Variants in KHDRBS2 observed in about 807,000 individuals in gnomAD.
The protein encoded by KHDRBS2 is KH domain-containing, RNA-binding, signal transduction-associated protein 2.
A neutral mutation model predicts 44.3 loss-of-function variants in KHDRBS2; 26 were observed. The observed-to-expected ratio is 0.59, with a 90% confidence interval of 0.43 to 0.81. KHDRBS2 has a LOEUF of 0.81. Ranked by LOEUF, KHDRBS2 falls within the 40% of genes least tolerant of loss-of-function variation. The pLI is 0.00. For missense variants in KHDRBS2, 476 were observed against 433.1 expected (o/e 1.10, Z -0.88); for synonymous variants, 194 against 151.1 (o/e 1.28, Z -2.08).
At chr6:61,557,431 C>T in the KHDRBS2 span, among the ~76,000 whole-genome samples, 1 of 152,084 alleles carries the variant, frequency 6.6e-6, no homozygotes, top group African/African-American at 2.4e-5. Flanking sequence ...GGCTGTAAAA[C>T]AGCAATAATA....
At chr6:62,074,440 T>C (rs192751974) in intron 2 of KHDRBS2, among the ~76,000 whole-genome samples, 1 of 152,008 alleles carries the variant, frequency 6.6e-6, no homozygotes, top group Non-Finnish European at 1.5e-5. Context: ...TTGGTTTTGA[T>C]GGCTTTCCAA....
intron 3 of KHDRBS2, among the ~76,000 whole-genome samples, chr6:62,039,345 A>C (rs896675793): frequency 6.6e-6 from 1 of 151,078 alleles, no homozygotes; most frequent in African/African-American, 2.4e-5. Flanking sequence ...GGACAGCAGA[A>C]ATATATATAT....
At chr6:61,607,917 A>C in the KHDRBS2 span, among the ~76,000 whole-genome samples, 1 of 152,114 alleles carries the variant, frequency 6.6e-6, no homozygotes, top group African/African-American at 2.4e-5. Context: ...CAAACTCCTG[A>C]CCTCAAGTGA....
At chr6:62,104,785 C>A (rs1802760975) in intron 2 of KHDRBS2, among the ~76,000 whole-genome samples, 2 of 150,940 alleles carry the variant, frequency 1.3e-5, no homozygotes, top group South Asian at 2.1e-4. Context: ...TTCGTAGTTA[C>A]AATAAATGAA....
At chr6:61,758,833 T>A (rs565760728) in intron 6 of KHDRBS2, among the ~76,000 whole-genome samples, 31 of 152,138 alleles carry the variant, frequency 2.0e-4, no homozygotes, top group Non-Finnish European at 2.1e-4. Flanking sequence ...ATTTAGGGTA[T>A]AGGAGACATG....
chr6:61,737,590 C>T (rs1441095298), intron 6 of KHDRBS2, among the ~76,000 whole-genome samples: 1 of 152,030 alleles, frequency 6.6e-6, no homozygotes, highest in Admixed American at 6.6e-5. Context: ...TTGCATAAAT[C>T]AGATCGTTTT....
At chr6:61,601,747 C>A in the KHDRBS2 span, among the ~76,000 whole-genome samples, 1 of 151,952 alleles carries the variant, frequency 6.6e-6, no homozygotes, top group Non-Finnish European at 1.5e-5. Flanking sequence ...CCAGGCTGTT[C>A]CTAGCCAGGC....
chr6:61,981,365 CTG>C (rs1228010188), intron 3 of KHDRBS2, among the ~76,000 whole-genome samples: 2 of 151,924 alleles, frequency 1.3e-5, no homozygotes, highest in African/African-American at 4.8e-5. Flanking sequence ...AGAAAACATT[CTG>C]TGTCTTATCA....
chr6:62,049,214 CA>C (rs766216459), intron 2 of KHDRBS2, among the ~76,000 whole-genome samples: 8 of 151,254 alleles, frequency 5.3e-5, no homozygotes, highest in Non-Finnish European at 1.0e-4. Flanking sequence ...TTATTGTCAG[CA>C]AAAGTGTCAA....
chr6:61,543,282 A>AT, the KHDRBS2 span, among the ~76,000 whole-genome samples: 3 of 152,046 alleles, frequency 2.0e-5, no homozygotes, highest in African/African-American at 7.2e-5. Context: ...TCATAATCTG[A>AT]TTTTTTAAAT....
At chr6:62,143,585 C>T (rs1322533626) in intron 2 of KHDRBS2, among the ~76,000 whole-genome samples, 2 of 151,954 alleles carry the variant, frequency 1.3e-5, no homozygotes, top group Non-Finnish European at 2.9e-5. Flanking sequence ...CTGGAGTCTT[C>T]TCTTTTCTGT....
At chr6:61,827,778 C>G (rs552136712) in intron 6 of KHDRBS2, among the ~76,000 whole-genome samples, 111 of 152,264 alleles carry the variant, frequency 7.3e-4, no homozygotes, top group African/African-American at 2.5e-3. Context: ...CAGAAAGAGA[C>G]AGCAGGCTCT....
intron 6 of KHDRBS2, chr6:61,817,155 C>G: frequency 3.2e-6 from 1 of 313,944 alleles, no homozygotes; most frequent in Non-Finnish European, 6.4e-6. Flanking sequence ...TGACTCAATT[C>G]CAAAATGATG....
intron 8 of KHDRBS2, among the ~76,000 whole-genome samples, chr6:61,693,766 A>T (rs887583845): frequency 1.3e-5 from 2 of 152,156 alleles, no homozygotes; most frequent in Non-Finnish European, 2.9e-5. Context: ...AGTAAAATGC[A>T]TTACTTCTCT....
intron 6 of KHDRBS2, among the ~76,000 whole-genome samples, chr6:61,789,192 TA>T (rs1784261408): frequency 6.6e-6 from 1 of 151,470 alleles, no homozygotes; most frequent in Non-Finnish European, 1.5e-5. Flanking sequence ...ATCTACTTAT[TA>T]GTTAATATTT....
the KHDRBS2 span, among the ~76,000 whole-genome samples, chr6:61,668,101 G>T: frequency 6.6e-6 from 1 of 150,858 alleles, no homozygotes; most frequent in East Asian, 2.0e-4. Flanking sequence ...TTGCAAGAGG[G>T]TCTATTTTTT....
chr6:61,874,744 C>T (rs1385376310), intron 6 of KHDRBS2, among the ~76,000 whole-genome samples: 2 of 152,182 alleles, frequency 1.3e-5, no homozygotes, highest in East Asian at 1.9e-4. Flanking sequence ...CTTAGAAGCA[C>T]GTGGCACAAT....
At chr6:61,840,741 C>A (rs1376888219) in intron 6 of KHDRBS2, among the ~76,000 whole-genome samples, 1 of 152,064 alleles carries the variant, frequency 6.6e-6, no homozygotes, top group Non-Finnish European at 1.5e-5. Context: ...ATGTTGCATC[C>A]CAACTGAGCT....
intron 8 of KHDRBS2, among the ~76,000 whole-genome samples, chr6:61,684,919 A>T (rs1229775415): frequency 2.0e-5 from 3 of 151,336 alleles, no homozygotes; most frequent in Non-Finnish European, 4.4e-5. Context: ...TATATTTATT[A>T]TATGAATAAT....
Sources: allele counts gnomAD v4.1 joint callset (sites outside exome capture counted in the v4.1 genomes callset), GRCh38; gene constraint gnomAD v4.1.1; transcripts MANE v1.5; gene names NCBI Gene and HGNC (gene_info 2026-07-23, HGNC 2026-07-21).